The following CDS2 variants were observed in gnomAD, a reference collection of about 807,000 sequenced individuals.
The protein encoded by CDS2 is phosphatidate cytidylyltransferase 2.
Under a neutral mutation model 59.0 loss-of-function variants are expected in CDS2, and 47 were observed. The ratio of observed to expected loss-of-function variants is 0.80; its 90% CI spans 0.63 to 1.02. The LOEUF (loss-of-function observed/expected upper bound fraction) is 1.02, where lower values mean the gene tolerates loss of function less well. Ranked by LOEUF, CDS2 falls within the 50% of genes least tolerant of loss-of-function variation. CDS2 has a pLI of 0.00. For synonymous variants in CDS2, 207 were observed against 206.4 expected (o/e 1.00, Z -0.02); for missense variants, 356 against 558.9 (o/e 0.64, Z 3.66).
intron 4 of CDS2, among the ~76,000 whole-genome samples, chr20:5,177,024 A>C (rs760235953): frequency 6.6e-6 from 1 of 152,138 alleles, no homozygotes; most frequent in Non-Finnish European, 1.5e-5. Flanking sequence ...TGCCTTTGAG[A>C]CCTGAGTATT....
intron 1 of CDS2, among the ~76,000 whole-genome samples, chr20:5,156,298 C>G (rs2090833353): frequency 6.6e-6 from 1 of 152,050 alleles, no homozygotes; most frequent in African/African-American, 2.4e-5. Flanking sequence ...TTCCATGGGG[C>G]ACATTTCAGG....
At chr20:5,188,590 T>G (rs1220142287) in intron 10 of CDS2, among the ~76,000 whole-genome samples, 1 of 152,200 alleles carries the variant, frequency 6.6e-6, no homozygotes, top group Non-Finnish European at 1.5e-5. Flanking sequence ...CATAAAGAGT[T>G]ACGAGGTTGG....
intron 1 of CDS2, among the ~76,000 whole-genome samples, chr20:5,163,632 A>C (rs1055391986): frequency 5.3e-5 from 8 of 152,122 alleles, no homozygotes; most frequent in African/African-American, 1.9e-4. Flanking sequence ...CTTTTTGTTT[A>C]TTATTTTAAT....
intron 3 of CDS2, chr20:5,175,986 T>C (rs1254548834): frequency 6.5e-6 from 1 of 153,418 alleles, no homozygotes; most frequent in Non-Finnish European, 1.5e-5. Context: ...CAGGGTCAGG[T>C]GACCATCAGC....
At chr20:5,168,421 AAAAAAAAAAAAAGAAAAG>A (rs1282270101) in intron 1 of CDS2, among the ~76,000 whole-genome samples, 4 of 137,324 alleles carry the variant, frequency 2.9e-5, no homozygotes, top group East Asian at 2.0e-4. Flanking sequence ...TCCCCCCAAA[AAAAAAAAAAAAAGAAAAG>A]AAAAAAAAAA....
chr20:5,147,610 C>T (rs1252994281), intron 1 of CDS2, among the ~76,000 whole-genome samples: 1 of 152,134 alleles, frequency 6.6e-6, no homozygotes, highest in African/African-American at 2.4e-5. Flanking sequence ...CCCTATGTTG[C>T]CCAGGCTGGT....
intron 1 of CDS2, among the ~76,000 whole-genome samples, chr20:5,165,559 G>GT (rs2090907628): frequency 6.7e-6 from 1 of 150,050 alleles, no homozygotes; most frequent in Admixed American, 6.6e-5. Flanking sequence ...TTGTTTTTTT[G>GT]TTTTTTTGAG....
At chr20:5,148,727 G>C (rs1013755383) in intron 1 of CDS2, among the ~76,000 whole-genome samples, 1 of 152,226 alleles carries the variant, frequency 6.6e-6, no homozygotes, top group Non-Finnish European at 1.5e-5. Context: ...CACCGTGGTT[G>C]GGTCAATATC....
At chr20:5,182,359 TTTC>T in intron 5 of CDS2, 25 bp from the exon 6 acceptor site, 1 of 1,595,452 alleles carries the variant, frequency 6.3e-7, no homozygotes. Flanking sequence ...ATAATTCATT[TTTC>T]TTTTCTCCTC....
At chr20:5,175,374 T>G in intron 3 of CDS2, 95 bp downstream of exon 3, 1 of 954,138 alleles carries the variant, frequency 1.0e-6, no homozygotes, top group African/African-American at 1.6e-5. Context: ...TTGTGGGAAT[T>G]GACGGGGGTC....
At chr20:5,180,301 C>CTT (rs76475408) in intron 5 of CDS2, among the ~76,000 whole-genome samples, 2 of 140,208 alleles carry the variant, frequency 1.4e-5, no homozygotes, top group Non-Finnish European at 3.1e-5. Context: ...TATTGGCAAA[C>CTT]TTTTTTTTTT....
At chr20:5,149,660 G>T (rs1248481071) in intron 1 of CDS2, among the ~76,000 whole-genome samples, 1 of 151,924 alleles carries the variant, frequency 6.6e-6, no homozygotes, top group Non-Finnish European at 1.5e-5. Context: ...CCTCGACCTC[G>T]CAAAGTGCTG....
At chr20:5,178,252 A>C (rs1474247789) in intron 4 of CDS2, among the ~76,000 whole-genome samples, 1 of 152,210 alleles carries the variant, frequency 6.6e-6, no homozygotes, top group East Asian at 1.9e-4. Context: ...TCAGATAATC[A>C]CATATTACTT....
intron 1 of CDS2, among the ~76,000 whole-genome samples, chr20:5,160,243 T>C (rs962641791): frequency 1.7e-4 from 26 of 152,224 alleles, no homozygotes; most frequent in African/African-American, 6.3e-4. Context: ...GGTCTTTTCT[T>C]AGCCCTGCAA....
chr20:5,145,087 T>A (rs1290024378), intron 1 of CDS2, among the ~76,000 whole-genome samples: 1 of 151,912 alleles, frequency 6.6e-6, no homozygotes, highest in East Asian at 1.9e-4. Flanking sequence ...GCTTTCCTAT[T>A]CTGACAAGGA....
intron 1 of CDS2, among the ~76,000 whole-genome samples, chr20:5,138,298 C>T (rs1170207103): frequency 6.6e-6 from 1 of 151,858 alleles, no homozygotes; most frequent in Non-Finnish European, 1.5e-5. Flanking sequence ...GTTCTAGTTT[C>T]ACTCTTTGGC....
At chr20:5,160,774 C>G (rs761226051) in intron 1 of CDS2, among the ~76,000 whole-genome samples, 1 of 152,146 alleles carries the variant, frequency 6.6e-6, no homozygotes, top group Non-Finnish European at 1.5e-5. Flanking sequence ...AATTTGACTA[C>G]TCTAGGTACC....
intron 1 of CDS2, among the ~76,000 whole-genome samples, chr20:5,131,921 A>G (rs2090610756): frequency 1.3e-5 from 2 of 152,250 alleles, no homozygotes; most frequent in Admixed American, 1.3e-4. Context: ...CTATGTTGCT[A>G]CTGATTAAAA....
At chr20:5,181,531 C>A (rs945012752) in intron 5 of CDS2, among the ~76,000 whole-genome samples, 1 of 152,198 alleles carries the variant, frequency 6.6e-6, no homozygotes, top group African/African-American at 2.4e-5. Flanking sequence ...GTAGGCACAA[C>A]AGGCAGCAAA....
Sources: gnomAD v4.1 joint callset for allele counts (sites outside exome capture counted in the v4.1 genomes callset) on GRCh38, gnomAD v4.1.1 for gene constraint, MANE v1.5 for transcripts, NCBI Gene and HGNC (gene_info 2026-07-23, HGNC 2026-07-21) for gene names.